Variants in SH3GL3 observed in about 807,000 individuals in gnomAD.
SH3GL3 encodes the protein endophilin-A3.
Under a neutral mutation model 47.7 loss-of-function variants are expected in SH3GL3, and 33 were observed. That is an observed-to-expected ratio of 0.69 (90% CI 0.52 to 0.92). SH3GL3 has a LOEUF of 0.92. Among genes scored for constraint, SH3GL3 ranks in the 40% least tolerant of loss-of-function variants. The pLI is 0.00. For synonymous variants in SH3GL3, 155 were observed against 148.8 expected, an observed-to-expected ratio of 1.04 and a Z score of -0.30; for missense variants, 363 against 417.8, an observed-to-expected ratio of 0.87 and a Z score of 1.14.
intron 1 of SH3GL3, among the ~76,000 whole-genome samples, chr15:83,482,505 T>A (rs916328131): frequency 3.3e-5 from 5 of 152,034 alleles, no homozygotes; most frequent in African/African-American, 9.7e-5. Flanking sequence ...AAGTTTTTTT[T>A]TTTTTGATTC....
chr15:83,530,307 A>T (rs2043610677), intron 1 of SH3GL3, among the ~76,000 whole-genome samples: 1 of 152,110 alleles, frequency 6.6e-6, no homozygotes, highest in Admixed American at 6.5e-5. Context: ...AGGCTCTTCC[A>T]TGGCTAAGAT....
chr15:83,612,967 A>G (rs894754347), intron 8 of SH3GL3, among the ~76,000 whole-genome samples: 4 of 152,224 alleles, frequency 2.6e-5, no homozygotes, highest in Non-Finnish European at 5.9e-5. Flanking sequence ...TTGGGAATTT[A>G]AAAGCTAAAC....
chr15:83,467,710 C>G (rs891086248), intron 1 of SH3GL3, among the ~76,000 whole-genome samples: 37 of 152,266 alleles, frequency 2.4e-4, no homozygotes, highest in African/African-American at 8.9e-4. Flanking sequence ...TTTGATTTCT[C>G]TCATCAGCAT....
chr15:83,625,352 T>G, the SH3GL3 span, among the ~76,000 whole-genome samples: 1 of 152,204 alleles, frequency 6.6e-6, no homozygotes, highest in Non-Finnish European at 1.5e-5. Context: ...TGTACCACTT[T>G]ATCACTCTGT....
At chr15:83,525,052 G>C (rs1226972407) in intron 1 of SH3GL3, among the ~76,000 whole-genome samples, 1 of 152,216 alleles carries the variant, frequency 6.6e-6, no homozygotes, top group Admixed American at 6.5e-5. Flanking sequence ...TTGTATGGTA[G>C]TTCTATTTTT....
Position 83,447,361 on chromosome 15 carries a change from C to T in SH3GL3, c.-173C>T. On this transcript the variant is annotated 5_prime_UTR_variant, in exon 1 of 9. Transcript: ENST00000427482. The surrounding 1 kb of genome is among the most constrained non-coding windows in gnomAD (Gnocchi z 5.1). ...AACGCAGTGTTGCCATCGGCGTGCG[C>T]GCGTGTGTGCGAGTGTGACAGCGGC... 5.3e-6 allele frequency: 2 copies of T among 378,538 alleles called. No individual in the cohort carries two copies. Among genetic ancestry groups the T allele is most frequent in the Non-Finnish European group, 4.7e-6 (1 of 211,012 alleles). The allele number at this position is 378,538 out of a possible 1,614,324, so 23.4% of individuals were successfully genotyped here.
At chr15:83,597,393 G>A (rs2257011) in intron 8 of SH3GL3, among the ~76,000 whole-genome samples, 1 of 151,904 alleles carries the variant, frequency 6.6e-6, no homozygotes, top group Non-Finnish European at 1.5e-5. Flanking sequence ...TAATCACATC[G>A]TCACATTCCC....
intron 1 of SH3GL3, among the ~76,000 whole-genome samples, chr15:83,555,201 T>C (rs1259976598): frequency 6.6e-6 from 1 of 152,204 alleles, no homozygotes; most frequent in Non-Finnish European, 1.5e-5. Flanking sequence ...ACTTTTTGTT[T>C]CTAATGTTTT....
At chr15:83,519,597 C>T (rs1338890935) in intron 1 of SH3GL3, among the ~76,000 whole-genome samples, 1 of 152,154 alleles carries the variant, frequency 6.6e-6, no homozygotes, top group Admixed American at 6.5e-5. Context: ...GGTATAGAAT[C>T]ATGTCATCAG....
chr15:83,617,453 G>C (rs543335598), intron 8 of SH3GL3, among the ~76,000 whole-genome samples: 1 of 152,300 alleles, frequency 6.6e-6, no homozygotes, highest in East Asian at 1.9e-4. Flanking sequence ...GAGGTGAGCA[G>C]ATCACTTAAG....
chr15:83,601,657 C>A (rs1462662194), intron 8 of SH3GL3, among the ~76,000 whole-genome samples: 1 of 151,734 alleles, frequency 6.6e-6, no homozygotes, highest in Non-Finnish European at 1.5e-5. Flanking sequence ...CTGTAGTTTT[C>A]TTTTTTTTCT....
intron 1 of SH3GL3, among the ~76,000 whole-genome samples, chr15:83,548,757 G>A (rs2044525051): frequency 6.6e-6 from 1 of 152,082 alleles, no homozygotes; most frequent in African/African-American, 2.4e-5. Flanking sequence ...GCCTAGGTAT[G>A]TTTATCTTCA....
At chr15:83,579,552 G>A (rs1242394065) in intron 6 of SH3GL3, among the ~76,000 whole-genome samples, 1 of 152,154 alleles carries the variant, frequency 6.6e-6, no homozygotes, top group Non-Finnish European at 1.5e-5. Flanking sequence ...GCTGCTAGGT[G>A]TGCTCTGGCT....
At chr15:83,469,711 G>A (rs1190223583) in intron 1 of SH3GL3, among the ~76,000 whole-genome samples, 3 of 152,074 alleles carry the variant, frequency 2.0e-5, no homozygotes, top group African/African-American at 4.8e-5. Flanking sequence ...ATTTGTTGAG[G>A]TTTATCTGAT....
chr15:83,488,218 G>A (rs1213278980), intron 1 of SH3GL3: 1 of 152,410 alleles, frequency 6.6e-6, no homozygotes, highest in African/African-American at 2.4e-5. Flanking sequence ...AAAAATGGAT[G>A]TGGGTCCTGC....
chr15:83,598,146 C>T (rs1047224978), intron 8 of SH3GL3, among the ~76,000 whole-genome samples: 1 of 152,196 alleles, frequency 6.6e-6, no homozygotes, highest in Non-Finnish European at 1.5e-5. Flanking sequence ...TCATCCATGG[C>T]ACTGCCCTGA....
At chr15:83,585,780 A>G (rs2059938724) in intron 6 of SH3GL3, among the ~76,000 whole-genome samples, 1 of 152,212 alleles carries the variant, frequency 6.6e-6, no homozygotes, top group Admixed American at 6.5e-5. Context: ...CATTGTTCGG[A>G]TGCTGATCAC....
intron 1 of SH3GL3, among the ~76,000 whole-genome samples, chr15:83,474,695 G>C (rs1304496380): frequency 6.6e-6 from 1 of 152,140 alleles, no homozygotes; most frequent in Non-Finnish European, 1.5e-5. Context: ...TTTGTCTGAG[G>C]ATGTTCCTGT....
downstream of SH3GL3, among the ~76,000 whole-genome samples, chr15:83,619,928 C>T (rs548921012): frequency 3.1e-4 from 47 of 152,328 alleles, no homozygotes; most frequent in African/African-American, 1.1e-3. Context: ...TGAGTCAGTC[C>T]TCTCATCCTA....
Sources: gnomAD v4.1 joint callset for allele counts (sites outside exome capture counted in the v4.1 genomes callset) on GRCh38, gnomAD v4.1.1 for gene constraint, Gnocchi (gnomAD v3.1) non-coding constraint, MANE v1.5 for transcripts, NCBI Gene and HGNC (gene_info 2026-07-23, HGNC 2026-07-21) for gene names.